Variants in COA1 observed in about 807,000 individuals in gnomAD.
COA1 encodes the protein cytochrome c oxidase assembly factor 1.
A neutral mutation model predicts 16.0 loss-of-function variants in COA1; 13 were observed. The observed-to-expected ratio is 0.81, with a 90% CI of 0.53 to 1.29. The LOEUF (loss-of-function observed/expected upper bound fraction) is 1.29, where lower values mean the gene tolerates loss of function less well. Among genes scored for constraint, COA1 ranks in the 50% most tolerant of loss-of-function variants. The pLI is 0.00. For synonymous variants in COA1, 65 were observed against 65.7 expected (o/e 0.99, Z 0.05); for missense variants, 179 against 177.0 (o/e 1.01, Z -0.06).
At chr7:43,663,826 T>A (rs2092671398) in intron 1 of COA1, among the ~76,000 whole-genome samples, 1 of 152,082 alleles carries the variant, frequency 6.6e-6, no homozygotes, top group Admixed American at 6.5e-5. Flanking sequence ...AATGGAATCA[T>A]TTAGGCCAGG....
intron 1 of COA1, among the ~76,000 whole-genome samples, chr7:43,705,891 G>A (rs537473826): frequency 3.9e-5 from 6 of 152,202 alleles, no homozygotes; most frequent in South Asian, 2.1e-4. Context: ...GCGACAAACC[G>A]ACAAACCGTG....
chr7:43,711,168 G>A (rs185297216), intron 1 of COA1, among the ~76,000 whole-genome samples: 1 of 151,792 alleles, frequency 6.6e-6, no homozygotes, highest in East Asian at 1.9e-4. Flanking sequence ...TTAAAATGAG[G>A]GTATTAAAGG....
At chr7:43,658,076 TA>T (rs71563917) in intron 1 of COA1, among the ~76,000 whole-genome samples, 6 of 151,876 alleles carry the variant, frequency 4.0e-5, no homozygotes, top group African/African-American at 1.5e-4. Flanking sequence ...TTATTTTTTT[TA>T]AAAAAGTTAC....
At chr7:43,619,930 C>T (rs1033471608) in intron 6 of COA1, among the ~76,000 whole-genome samples, 2 of 152,194 alleles carry the variant, frequency 1.3e-5, no homozygotes, top group Admixed American at 6.5e-5. Flanking sequence ...TATCTCTTCA[C>T]TACAGAGCTA....
At chr7:43,698,912 T>G (rs943316644) in intron 1 of COA1, among the ~76,000 whole-genome samples, 4 of 152,188 alleles carry the variant, frequency 2.6e-5, no homozygotes, top group African/African-American at 9.6e-5. Context: ...ATAAATCCAT[T>G]CTGAAAAGTG....
At chr7:43,707,927 G>C (rs1376708150) in intron 1 of COA1, among the ~76,000 whole-genome samples, 2 of 152,162 alleles carry the variant, frequency 1.3e-5, no homozygotes, top group African/African-American at 4.8e-5. Flanking sequence ...TACACTGCCA[G>C]GTTACCAAAG....
At chr7:43,720,116 TA>T (rs1270905582) in intron 1 of COA1, among the ~76,000 whole-genome samples, 13 of 151,246 alleles carry the variant, frequency 8.6e-5, no homozygotes, top group Admixed American at 3.3e-4. Context: ...CCATCTCTAC[TA>T]AAATCATAAA....
At chr7:43,699,995 A>G (rs963374709) in intron 1 of COA1, among the ~76,000 whole-genome samples, 2 of 152,136 alleles carry the variant, frequency 1.3e-5, no homozygotes, top group African/African-American at 4.8e-5. Flanking sequence ...ACAAGTGAAG[A>G]CTTAACTTCA....
chr7:43,617,098 G>A (rs2083426910), intron 6 of COA1, among the ~76,000 whole-genome samples: 1 of 152,218 alleles, frequency 6.6e-6, no homozygotes, highest in Non-Finnish European at 1.5e-5. Context: ...AGCATGGCAA[G>A]TATGAGACTG....
chr7:43,712,914 C>T (rs1337300910), intron 1 of COA1, among the ~76,000 whole-genome samples: 1 of 151,608 alleles, frequency 6.6e-6, no homozygotes, highest in East Asian at 1.9e-4. Context: ...TTGAGGGGTA[C>T]AATTTGAGGT....
chr7:43,684,502 T>C (rs1188173020), intron 1 of COA1, among the ~76,000 whole-genome samples: 1 of 152,200 alleles, frequency 6.6e-6, no homozygotes, highest in African/African-American at 2.4e-5. Context: ...CACTGCCTTT[T>C]CTGACTTAGC....
At chr7:43,683,763 T>C (rs2093885015) in intron 1 of COA1, among the ~76,000 whole-genome samples, 1 of 145,444 alleles carries the variant, frequency 6.9e-6, no homozygotes, top group South Asian at 2.1e-4. Context: ...AGAAGTACTA[T>C]TATTATCACC....
intron 1 of COA1, among the ~76,000 whole-genome samples, chr7:43,691,429 GAA>G (rs796708212): frequency 3.4e-5 from 2 of 58,612 alleles, no homozygotes; most frequent in Non-Finnish European, 7.0e-5. Context: ...GAAAAAGAAA[GAA>G]AGAAAGAAAG....
intron 1 of COA1, among the ~76,000 whole-genome samples, chr7:43,710,512 T>C (rs1158005156): frequency 6.6e-6 from 1 of 151,544 alleles, no homozygotes; most frequent in Admixed American, 6.6e-5. Context: ...ATGAAATGGA[T>C]AGCTCTTTGG....
At chr7:43,638,982 T>G (rs1413928194), downstream of COA1, 10 of 152,302 alleles carry the variant, frequency 6.6e-5, no homozygotes, top group Non-Finnish European at 1.2e-4. Flanking sequence ...AACAATTATT[T>G]TGCAAATCTT....
chr7:43,697,096 C>T (rs1336696670), intron 1 of COA1, among the ~76,000 whole-genome samples: 4 of 150,732 alleles, frequency 2.7e-5, no homozygotes, highest in Non-Finnish European at 5.9e-5. Flanking sequence ...TGCACTCCAG[C>T]CTGGCGACAG....
chr7:43,644,823 G>T (rs2088743200), intron 4 of COA1, among the ~76,000 whole-genome samples: 2 of 150,928 alleles, frequency 1.3e-5, no homozygotes, highest in Non-Finnish European at 3.0e-5. Flanking sequence ...GAGAGAGAGA[G>T]AGAGAGAGAG....
chr7:43,623,559 T>C (rs1487157608), intron 6 of COA1: 5 of 1,605,920 alleles, frequency 3.1e-6, no homozygotes, highest in Non-Finnish European at 3.4e-6. Context: ...TTTTCTTCTC[T>C]TTCTGATACT....
At chr7:43,639,037 C>T (rs2086429266), downstream of COA1, 2 of 152,190 alleles carry the variant, frequency 1.3e-5, no homozygotes, top group South Asian at 4.1e-4. Context: ...TAAATAAAAG[C>T]AAAGCAAACA....
Sources: gnomAD v4.1 joint callset for allele counts (sites outside exome capture counted in the v4.1 genomes callset) on GRCh38, gnomAD v4.1.1 for gene constraint, MANE v1.5 for transcripts, NCBI Gene and HGNC (gene_info 2026-07-23, HGNC 2026-07-21) for gene names.